TMEM120B: variants seen among roughly 807,000 people sequenced by gnomAD.
The protein encoded by TMEM120B is transmembrane protein 120B.
In TMEM120B, 31 loss-of-function variants were observed where a neutral mutation model predicts 55.5. That is an observed-to-expected ratio of 0.56 (90% CI 0.42 to 0.75). TMEM120B has a LOEUF of 0.75. TMEM120B is among the 30% of genes least tolerant of loss of function. The probability of loss-of-function intolerance (pLI) is 0.00; values close to 1 mark genes in which losing one functional copy is unlikely to be tolerated. For synonymous variants in TMEM120B, 203 were observed against 176.3 expected (o/e 1.15, Z -1.20); for missense variants, 399 against 425.5 (o/e 0.94, Z 0.55).
At chr12:121,764,118 T>C (rs1268691537) in intron 6 of TMEM120B, among the ~76,000 whole-genome samples, 1 of 143,316 alleles carries the variant, frequency 7.0e-6, no homozygotes, top group Non-Finnish European at 1.5e-5. Flanking sequence ...AGCCCAGGAG[T>C]TCAAGACCAG....
At chr12:121,767,798 T>TGGCA (rs1373446223) in intron 6 of TMEM120B, among the ~76,000 whole-genome samples, 1 of 152,198 alleles carries the variant, frequency 6.6e-6, no homozygotes, top group Admixed American at 6.5e-5. Context: ...TGTTTATTGG[T>TGGCA]GGCATCTGTC....
intron 6 of TMEM120B, among the ~76,000 whole-genome samples, chr12:121,768,533 G>C (rs1166356741): frequency 6.6e-6 from 1 of 152,162 alleles, no homozygotes; most frequent in Non-Finnish European, 1.5e-5. Flanking sequence ...AAAGCACGTG[G>C]GCGTGTGTGT....
At chr12:121,744,461 A>T (rs1873024347) in intron 2 of TMEM120B, among the ~76,000 whole-genome samples, 1 of 152,222 alleles carries the variant, frequency 6.6e-6, no homozygotes, top group South Asian at 2.1e-4. Flanking sequence ...GCCCTGCCGG[A>T]CAAGTAAGCA....
intron 8 of TMEM120B, among the ~76,000 whole-genome samples, chr12:121,772,315 A>G (rs1047219168): frequency 2.0e-5 from 3 of 152,008 alleles, no homozygotes; most frequent in African/African-American, 7.2e-5. Context: ...TTTTTAATAA[A>G]GATGAGATTT....
intron 1 of TMEM120B, among the ~76,000 whole-genome samples, chr12:121,726,972 C>T (rs969902639): frequency 3.3e-5 from 5 of 149,408 alleles, no homozygotes; most frequent in Admixed American, 2.7e-4. Flanking sequence ...CGCCTGTAAT[C>T]CCAGCACTTT....
At chr12:121,754,383 C>T (rs1474845325) in intron 5 of TMEM120B, among the ~76,000 whole-genome samples, 2 of 152,234 alleles carry the variant, frequency 1.3e-5, no homozygotes, top group Non-Finnish European at 1.5e-5. Context: ...TCTTTTTCTC[C>T]TACCTGCTTC....
At chr12:121,751,813 G>T (rs1051775249) in intron 4 of TMEM120B, among the ~76,000 whole-genome samples, 20 of 152,120 alleles carry the variant, frequency 1.3e-4, no homozygotes, top group African/African-American at 4.8e-4. Flanking sequence ...CCAGACAGCC[G>T]CAAACCCTGG....
At chr12:121,756,703 C>T (rs1224361036) in intron 5 of TMEM120B, among the ~76,000 whole-genome samples, 1 of 152,232 alleles carries the variant, frequency 6.6e-6, no homozygotes, top group Non-Finnish European at 1.5e-5. Flanking sequence ...GAGGATGCAA[C>T]TGCTTTGAAG....
chr12:121,746,889 C>T (rs1186825635), intron 2 of TMEM120B, among the ~76,000 whole-genome samples: 2 of 151,234 alleles, frequency 1.3e-5, no homozygotes, highest in African/African-American at 2.4e-5. Flanking sequence ...ACCCAGGAGG[C>T]GGAGCTTGCA....
At chr12:121,746,192 T>C (rs1475073428) in intron 2 of TMEM120B, among the ~76,000 whole-genome samples, 140 of 140,744 alleles carry the variant, frequency 9.9e-4, no homozygotes, top group African/African-American at 3.8e-3. Context: ...CCCCCCCACT[T>C]TTTTTTTTTT....
At chr12:121,751,261 AACACCCC>A (rs1233467923) in intron 4 of TMEM120B, among the ~76,000 whole-genome samples, 3 of 24,322 alleles carry the variant, frequency 1.2e-4, no homozygotes, top group East Asian at 1.2e-3. Flanking sequence ...CCTAATACCC[AACACCCC>A]ACACCCCACA....
intron 6 of TMEM120B, among the ~76,000 whole-genome samples, chr12:121,769,162 CAAA>C (rs10590198): frequency 1.4e-5 from 2 of 138,702 alleles, no homozygotes; most frequent in Admixed American, 7.3e-5. Flanking sequence ...AAAAAAAAGG[CAAA>C]AAAAAAAACC....
intron 9 of TMEM120B, among the ~76,000 whole-genome samples, chr12:121,774,413 T>TGTC (rs1874167132): frequency 6.6e-6 from 1 of 152,096 alleles, no homozygotes; most frequent in Non-Finnish European, 1.5e-5. Flanking sequence ...TAGCGCCCAG[T>TGTC]GTCTGTGTGT....
intron 5 of TMEM120B, among the ~76,000 whole-genome samples, chr12:121,759,238 C>T (rs577328328): frequency 2.0e-5 from 3 of 151,234 alleles, no homozygotes; most frequent in Non-Finnish European, 4.4e-5. Context: ...AAAGTTCTCC[C>T]GTTAGTGGTG....
At chr12:121,762,129 A>G (rs950573110) in intron 6 of TMEM120B, among the ~76,000 whole-genome samples, 5 of 152,058 alleles carry the variant, frequency 3.3e-5, no homozygotes, top group Non-Finnish European at 5.9e-5. Flanking sequence ...TGTCTCTACT[A>G]AAAATACAAA....
At chr12:121,736,480 T>A (rs548511215) in intron 1 of TMEM120B, among the ~76,000 whole-genome samples, 1 of 151,258 alleles carries the variant, frequency 6.6e-6, no homozygotes, top group Non-Finnish European at 1.5e-5. Context: ...TCTCGAACTC[T>A]TGACCTCAGG....
chr12:121,775,929 C>A lies in TMEM120B; in HGVS notation c.*207C>A. 1 of 620,048 alleles carries A rather than the reference C, an allele frequency of 1.6e-6. No individual in the cohort carries two copies. The highest frequency in any genetic ancestry group is 1.9e-5 in the South Asian group (1 of 52,378). The allele number at this position is 620,048 out of a possible 1,614,324, so 38.4% of individuals were successfully genotyped here. ...ATTTATGACATATTTAATGCTGGGT[C>A]CCCCATCGTCCCTGGAACCCGAGGC... On this transcript the variant is annotated 3_prime_UTR_variant, in exon 12 of 12. Transcript: ENST00000449592. This position sits in a 1 kb window ranked among gnomAD's most constrained non-coding sequence, Gnocchi z 4.3.
At position 121,712,881 on chromosome 12, in the gene TMEM120B, T is replaced by A; in HGVS notation, c.-15T>A. 4.0e-6 allele frequency: 6 copies of A among 1,515,386 alleles called. No homozygotes were observed. Among genetic ancestry groups the A allele is most frequent in the Non-Finnish European group, 5.3e-6 (6 of 1,137,394 alleles). 93.9% of individuals were successfully genotyped at this position (1,515,386 alleles called of 1,614,324 possible). A position where few individuals can be genotyped will look rare whatever the true frequency, so the allele number is the denominator to read the frequency against. ...GGGAGCAGCCGCCGGCACCGCCGCC[T>A]TGCACCATCGCATCATGTCCGGGCA... On this transcript the variant is annotated 5_prime_UTR_variant, in exon 1 of 12. It adds an upstream start codon to the 5' untranslated region. Transcript: ENST00000449592.
At chr12:121,771,250 G>A (rs561349532) in intron 7 of TMEM120B, among the ~76,000 whole-genome samples, 26 of 152,290 alleles carry the variant, frequency 1.7e-4, no homozygotes, top group Non-Finnish European at 3.2e-4. Context: ...AGGAGACTGC[G>A]GAGGACAGAG....
Sources: gnomAD v4.1 joint callset for allele counts (sites outside exome capture counted in the v4.1 genomes callset) on GRCh38, gnomAD v4.1.1 for gene constraint, Gnocchi (gnomAD v3.1) non-coding constraint, MANE v1.5 for transcripts, NCBI Gene and HGNC (gene_info 2026-07-23, HGNC 2026-07-21) for gene names.